FAN1: variants seen among roughly 807,000 people sequenced by gnomAD.
FAN1 encodes the protein FANCD2 and FANCI associated nuclease 1, also known as fanconi-associated nuclease 1.
A neutral mutation model predicts 104.9 loss-of-function variants in FAN1; 91 were observed. The observed-to-expected ratio is 0.87, with a 90% confidence interval of 0.73 to 1.03. The LOEUF is 1.03. Among genes scored for constraint, FAN1 ranks in the 50% least tolerant of loss-of-function variants. FAN1 has a pLI of 0.00. For missense variants in FAN1, 1,263 were observed against 1,239.9 expected (o/e 1.02, Z -0.28); for synonymous variants, 478 against 457.6 (o/e 1.04, Z -0.57).
intron 7 of FAN1, among the ~76,000 whole-genome samples, chr15:30,921,999 AC>A (rs958192868): frequency 2.0e-5 from 3 of 152,278 alleles, no homozygotes; most frequent in Non-Finnish European, 4.4e-5. Flanking sequence ...AGATGTCTGT[AC>A]CCCAGTGCCA....
intron 14 of FAN1, among the ~76,000 whole-genome samples, chr15:30,938,585 A>C (rs919804251): frequency 6.6e-6 from 1 of 152,154 alleles, no homozygotes; most frequent in Non-Finnish European, 1.5e-5. Context: ...CAGGCTGGGC[A>C]AGGGGGTGTG....
rs1025373720 is a variant in FAN1, at chr15:30,904,526, C to T, written c.-138C>T. On this transcript the variant is annotated 5_prime_UTR_variant, in exon 2 of 15. Transcript: ENST00000362065. ...TCTTCTTGTAGGAAGAAGAAATTGT[C>T]GAGACGAATAACATGAGGTCATATA... The T allele has an allele frequency of 9.7e-6, 8 of 826,780 alleles. No individual in the cohort carries two copies. Among genetic ancestry groups the T allele is most frequent in the South Asian group, 1.4e-5 (1 of 71,708 alleles). The allele number at this position is 826,780 out of a possible 1,614,324, so 51.2% of individuals were successfully genotyped here.
intron 14 of FAN1, chr15:30,938,935 A>G (rs2062946818): frequency 1.3e-5 from 13 of 985,390 alleles, no homozygotes; most frequent in Non-Finnish European, 1.6e-5. Flanking sequence ...CATACTGACA[A>G]CAACAAACAG....
intron 7 of FAN1, 119 bp from the exon 8 acceptor site, chr15:30,922,116 T>C (rs889194849): frequency 1.5e-6 from 2 of 1,307,392 alleles, no homozygotes; most frequent in East Asian, 2.3e-5. Context: ...CTTGGCCTCA[T>C]TGTAGAATGG....
At chr15:30,927,706 T>C in intron 10 of FAN1, 2 of 985,570 alleles carry the variant, frequency 2.0e-6, no homozygotes, top group Non-Finnish European at 2.4e-6. Flanking sequence ...CCAGTGGTCT[T>C]GTGGGGAGAG....
chr15:30,924,262 G>A (rs1379180249), intron 8 of FAN1, among the ~76,000 whole-genome samples: 2 of 152,136 alleles, frequency 1.3e-5, no homozygotes, highest in Admixed American at 1.3e-4. Context: ...GATGGACACT[G>A]GGTTCCTTCC....
At chr15:30,930,512 A>G (rs769078267) in intron 12 of FAN1, 31 bp from the exon 13 acceptor site, 4 of 1,562,998 alleles carry the variant, frequency 2.6e-6, no homozygotes, top group Non-Finnish European at 2.6e-6. Flanking sequence ...TCACGAGGGA[A>G]GTGGCTAACT....
Position 30,930,650 on chromosome 15 carries a change from C to G in FAN1, c.2895C>G (p.Asn965Lys). 1.2e-6 allele frequency: 2 copies of G among 1,612,586 alleles called. No individual in the cohort carries two copies. Among genetic ancestry groups the G allele is most frequent in the Non-Finnish European group, 1.7e-6 (2 of 1,179,492 alleles). Residue 965 changes from asparagine (N) to lysine (K), a missense_variant, in exon 13 of 15, where the codon AAC (asparagine) becomes AAG (lysine). Around this residue, in one of 2 missense-constraint regions of FAN1, gnomAD observed 581 missense variants for 668.8 expected, o/e 0.87. Coordinates refer to ENST00000362065, the MANE Select transcript of FAN1 (RefSeq NM_014967.5). ...RGGLPDLVVW[N>K]SQSRHFKLVE... is the part of the protein sequence containing the mutation. ...GCCTCCCCGACCTGGTGGTGTGGAA[C>G]TCCCAGAGCCGTCACTTTAAGGTCA...
Position 30,925,220 on chromosome 15 carries a change from T to C in FAN1, c.2266T>C (p.Ser756Pro), listed in dbSNP as rs773801688. ...LYQRAVRLRE[S>P]PSCKKFKHLF... is the part of the protein sequence containing the mutation. ...TCAGCGAGCCGTGCGCCTGCGAGAG[T>C]CTCCGAGCTGTAAAAAGTTCAAGCA... is the stretch of plus-strand genomic sequence containing the variant. Residue 756 changes from serine (S) to proline (P), a missense_variant, in exon 9 of 15, where the codon TCT (serine) becomes CCT (proline). By Grantham distance (74) the Ser-to-Pro change is moderately conservative. This residue lies in a region of FAN1 where 581 missense variants were observed against 668.8 expected (regional missense o/e 0.87). Transcript: ENST00000362065. 1 of 1,613,398 alleles carries C rather than the reference T, an allele frequency of 6.2e-7. No homozygotes were observed. Among genetic ancestry groups the C allele is most frequent in the South Asian group, 1.1e-5 (1 of 91,008 alleles).
At chr15:30,914,175 G>T in intron 5 of FAN1, 84 bp downstream of exon 5, 1 of 1,016,388 alleles carries the variant, frequency 9.8e-7, no homozygotes. Context: ...TCCAGCCAAA[G>T]TAGAAACATT....
intron 12 of FAN1, among the ~76,000 whole-genome samples, chr15:30,930,022 A>G (rs1263849392): frequency 7.3e-6 from 1 of 137,756 alleles, no homozygotes; most frequent in Non-Finnish European, 1.5e-5. Flanking sequence ...AAAATATATA[A>G]TAATATATAT....
Position 30,941,711 on chromosome 15 carries a change from T to C in FAN1, c.*149T>C, listed in dbSNP as rs1350275108. On this transcript the variant is annotated 3_prime_UTR_variant, in exon 15 of 15. Transcript: ENST00000362065. ...GGCCTCCAGGGGGCCACTGCGCTGT[T>C]GCCGCAGCATCCTGCTCAGTACGTC... is the stretch of plus-strand genomic sequence containing the variant. The C allele has an allele frequency of 6.8e-6, 11 of 1,613,760 alleles. No homozygotes were observed. The highest frequency in any genetic ancestry group is 9.3e-6 in the Non-Finnish European group (11 of 1,179,848).
At position 30,912,635 on chromosome 15, in the gene FAN1, T is replaced by C. The variant is rs142546301; in HGVS notation, c.1578-1223T>C. On this transcript the variant is annotated intron_variant, in intron 4 of 14. Coordinates refer to ENST00000362065, the MANE Select transcript of FAN1 (RefSeq NM_014967.5). ...CACCCTCTGGGATGCAGTGCTGCTTTTGGTTTAATAGCTTCTGCACCAGAA... is the reference window on the plus strand; with the variant it reads ...CACCCTCTGGGATGCAGTGCTGCTTCTGGTTTAATAGCTTCTGCACCAGAA... Among the ~76,000 whole-genome samples, 728 of 152,310 alleles carry C rather than the reference T, an allele frequency of 4.8e-3. 7 individuals carry two copies. Among genetic ancestry groups the C allele is most frequent in the African/African-American group, 0.017 (689 of 41,564 alleles).
intron 12 of FAN1, among the ~76,000 whole-genome samples, chr15:30,929,873 AAT>A (rs1261301122): frequency 1.1e-5 from 1 of 93,452 alleles, no homozygotes; most frequent in African/African-American, 4.7e-5. Flanking sequence ...ATATATATAA[AAT>A]ATATAATATA....
intron 14 of FAN1, among the ~76,000 whole-genome samples, chr15:30,937,568 CAG>C (rs759059459): frequency 3.6e-4 from 55 of 150,726 alleles, no homozygotes; most frequent in Non-Finnish European, 6.9e-4. Flanking sequence ...TCTCCTGCCT[CAG>C]GGTCCCCAGT....
At chr15:30,937,404 T>TA in intron 14 of FAN1, 145 bp downstream of exon 14, 1 of 718,204 alleles carries the variant, frequency 1.4e-6, no homozygotes, top group Non-Finnish European at 2.2e-6. Context: ...CAAAACAGTG[T>TA]TTGCTTGAAT....
chr15:30,918,104 TGTG>T (rs2140921061), intron 5 of FAN1, 57 bp from the exon 6 acceptor site: 1 of 1,570,138 alleles, frequency 6.4e-7, no homozygotes, highest in South Asian at 1.1e-5. Flanking sequence ...GTGGCTAGGA[TGTG>T]GTCATTCTAT....
At chr15:30,906,538 G>T (rs1319555163) in intron 2 of FAN1, 3 of 456,594 alleles carry the variant, frequency 6.6e-6, no homozygotes, top group East Asian at 6.9e-5. Context: ...TGTCTTTACG[G>T]TGTTATTCAG....
rs757006087 is a variant in FAN1, at chr15:30,904,539, A to G, written c.-125A>G. 2 of 875,754 alleles carry G rather than the reference A, an allele frequency of 2.3e-6. No individual in the cohort carries two copies. Among genetic ancestry groups the G allele is most frequent in the Admixed American group, 3.4e-5 (2 of 57,988 alleles). 54.2% of individuals were successfully genotyped at this position (875,754 alleles called of 1,614,324 possible). A position where few individuals can be genotyped will look rare whatever the true frequency, so the allele number is the denominator to read the frequency against. On this transcript the variant is annotated 5_prime_UTR_variant, in exon 2 of 15. The change abolishes an upstream ATG in the 5' untranslated region. Coordinates refer to ENST00000362065, the MANE Select transcript of FAN1 (RefSeq NM_014967.5). The stretch of plus-strand genomic sequence containing the variant: ...AGAAGAAATTGTCGAGACGAATAAC[A>G]TGAGGTCATATAGAATCCCACTTTT...
Sources: allele counts gnomAD v4.1 joint callset (sites outside exome capture counted in the v4.1 genomes callset), GRCh38; gene constraint gnomAD v4.1.1; regional missense constraint gnomAD v4.1.1; transcripts MANE v1.5; gene names NCBI Gene and HGNC (gene_info 2026-07-23, HGNC 2026-07-21).